The following TNRC18 variants were observed in gnomAD, a reference collection of about 807,000 sequenced individuals.
TNRC18 encodes the protein trinucleotide repeat containing 18, also known as trinucleotide repeat-containing gene 18 protein.
In TNRC18, 69 loss-of-function variants were observed where a neutral mutation model predicts 226.7. The observed-to-expected ratio is 0.30, with a 90% CI of 0.25 to 0.37. The LOEUF (loss-of-function observed/expected upper bound fraction) is 0.37. Among genes scored for constraint, TNRC18 ranks in the 10% least tolerant of loss-of-function variants. TNRC18 has a pLI of 1.00. For synonymous variants in TNRC18, 2,449 were observed against 1,927.6 expected (o/e 1.27, Z -7.09); for missense variants, 4,754 against 4,256.6 (o/e 1.12, Z -3.25).
intron 17 of TNRC18, among the ~76,000 whole-genome samples, chr7:5,346,396 T>C (rs1791201069): frequency 6.6e-6 from 1 of 151,262 alleles, no homozygotes; most frequent in Non-Finnish European, 1.5e-5. Context: ...GAGTCTAGAG[T>C]CGACTCCTGG....
intron 5 of TNRC18, among the ~76,000 whole-genome samples, chr7:5,381,129 C>T (rs1369822239): frequency 6.6e-6 from 1 of 152,194 alleles, no homozygotes; most frequent in Non-Finnish European, 1.5e-5. Flanking sequence ...TATCAGAGCA[C>T]CTGCCACCCT....
intron 24 of TNRC18, 24 bp from the exon 25 acceptor site, chr7:5,316,096 G>C (rs1488690853): frequency 1.3e-6 from 2 of 1,594,702 alleles, no homozygotes; most frequent in Admixed American, 1.7e-5. Context: ...GGAGGCTCAG[G>C]GGAGGCCCTC....
At chr7:5,417,097 A>G (rs999278410) in intron 2 of TNRC18, among the ~76,000 whole-genome samples, 10 of 151,922 alleles carry the variant, frequency 6.6e-5, no homozygotes, top group Non-Finnish European at 1.2e-4. Context: ...TGAGGCTGCA[A>G]TGAGCTATAA....
rs142058329 is a variant in TNRC18, at chr7:5,333,975, G to A, written c.5720-926C>T. ...CAGCTCAAGCCCCAGGTCAGAGCTG[G>A]TGTCCAGGAAAAGAGTGTGAGTGAG... On this transcript the variant is annotated intron_variant, in intron 18 of 29. Transcript: ENST00000430969. Among the ~76,000 whole-genome samples, 737 of 152,332 alleles carry A rather than the reference G, an allele frequency of 4.8e-3. 5 individuals carry two copies. The highest frequency in any genetic ancestry group is 0.017 in the African/African-American group (704 of 41,582).
At chr7:5,332,387 C>G (rs1213570744) in intron 19 of TNRC18, among the ~76,000 whole-genome samples, 2 of 152,186 alleles carry the variant, frequency 1.3e-5, no homozygotes, top group South Asian at 2.1e-4. Context: ...GAGCCATGAT[C>G]AGGCCACTGC....
chr7:5,397,040 G>A (rs1304973090), intron 2 of TNRC18, among the ~76,000 whole-genome samples: 2 of 152,114 alleles, frequency 1.3e-5, no homozygotes, highest in Non-Finnish European at 2.9e-5. Flanking sequence ...AGCAGCAAGG[G>A]GTGCCCTCGG....
chr7:5,372,001 G>A (rs1380813433), intron 10 of TNRC18, among the ~76,000 whole-genome samples: 2 of 151,944 alleles, frequency 1.3e-5, no homozygotes, highest in Admixed American at 6.6e-5. Context: ...GGATTCCAAC[G>A]AATCTCCTGC....
At chr7:5,386,513 G>A (rs1007870610) in intron 5 of TNRC18, among the ~76,000 whole-genome samples, 3 of 151,466 alleles carry the variant, frequency 2.0e-5, no homozygotes, top group South Asian at 2.1e-4. Context: ...GGCAGAGGTC[G>A]CAGTGAGCCA....
rs755377842 is a variant in TNRC18, at chr7:5,362,689, G to A, written c.4356C>T (p.Pro1452=). ...KNLRLPRELK[P]NKKYSWMRKK... is the part of the protein sequence containing the mutation. ...TGCGCATCCAGCTGTACTTCTTGTT[G>A]GGCTTCAGCTCCCGCGGGAGCCGCA... is the stretch of plus-strand genomic sequence containing the variant. Residue 1452 remains proline (P), a synonymous_variant, in exon 12 of 30, where the codon CCC becomes CCT. Coordinates refer to ENST00000430969, the MANE Select transcript of TNRC18 (RefSeq NM_001080495.3). 4.3e-5 allele frequency: 69 copies of A among 1,587,760 alleles called. No individual in the cohort carries two copies. The highest frequency in any genetic ancestry group is 8.9e-5 in the Admixed American group (5 of 56,120).
intron 2 of TNRC18, among the ~76,000 whole-genome samples, chr7:5,419,500 G>T (rs1782404906): frequency 6.6e-6 from 1 of 152,210 alleles, no homozygotes. Context: ...CTTGTGGGGA[G>T]CGCAAAAGGG....
chr7:5,320,002 G>C (rs1270205277), intron 24 of TNRC18: 1 of 332,310 alleles, frequency 3.0e-6, no homozygotes, highest in East Asian at 6.7e-5. Context: ...GTTCACACTA[G>C]AACTTGTGTG....
In TNRC18 at chr7:5,388,235, T is replaced by C; in HGVS notation, c.1589A>G (p.His530Arg). ...ATQMAVLAAQ[H>R]HHSRAEEEAA... Reference sequence around the variant, plus strand: ...CTCCTCTTCGGCGCGGCTGTGGTGGTGCTGCGCGGCCAGCACGGCCATCTG... The same window carrying C: ...CTCCTCTTCGGCGCGGCTGTGGTGGCGCTGCGCGGCCAGCACGGCCATCTG... Residue 530 changes from histidine (H) to arginine (R), a missense_variant, in exon 5 of 30, where the codon CAC becomes CGC. His to Arg is a conservative substitution (Grantham distance 29). Coordinates refer to ENST00000430969, the MANE Select transcript of TNRC18 (RefSeq NM_001080495.3). 1 of 1,604,362 alleles carries C rather than the reference T, an allele frequency of 6.2e-7. No homozygotes were observed. The highest frequency in any genetic ancestry group is 8.5e-7 in the Non-Finnish European group (1 of 1,176,404).
rs541476133 is a variant in TNRC18 at position 5,382,550 on chromosome 7, CG to C, written c.2153-4527del. ...TCTCCAGGGGTCCGGGGAAGCGGAT[CG>C]GGGGGGAGTGACTGGATAGAGGCCC... On this transcript the variant is annotated intron_variant, in intron 5 of 29. Transcript: ENST00000430969. 2.8e-5 allele frequency among the ~76,000 whole-genome samples: 4 copies of C among 144,412 alleles called. No individual in the cohort carries two copies. In the South Asian group the frequency reaches 8.3e-4, roughly 30 times the overall value. The allele number at this position is 144,412 out of a possible 152,430, so 94.7% of individuals were successfully genotyped here.
intron 29 of TNRC18, among the ~76,000 whole-genome samples, 162 bp downstream of exon 29, chr7:5,308,713 G>C (rs1365183675): frequency 6.6e-6 from 1 of 152,188 alleles, no homozygotes; most frequent in Non-Finnish European, 1.5e-5. Flanking sequence ...CAGAGAGACA[G>C]AGAACAGGAG....
chr7:5,398,641 G>T (rs1394736761), intron 2 of TNRC18, among the ~76,000 whole-genome samples: 1 of 144,330 alleles, frequency 6.9e-6, no homozygotes, highest in Non-Finnish European at 1.5e-5. Context: ...TTTAAAGACA[G>T]GGTCTCTCTC....
At chr7:5,353,692 C>T (rs1237727342) in intron 16 of TNRC18, among the ~76,000 whole-genome samples, 1 of 152,150 alleles carries the variant, frequency 6.6e-6, no homozygotes, top group African/African-American at 2.4e-5. Flanking sequence ...CACACCCCTA[C>T]CTCCTTGTGA....
At chr7:5,336,420 C>A (rs1282024803) in intron 18 of TNRC18, among the ~76,000 whole-genome samples, 1 of 151,890 alleles carries the variant, frequency 6.6e-6, no homozygotes, top group Non-Finnish European at 1.5e-5. Flanking sequence ...CAAAAAGAAA[C>A]AACAGAAAAG....
At chr7:5,367,839 G>GCC (rs1205897348) in intron 11 of TNRC18, among the ~76,000 whole-genome samples, 1 of 152,132 alleles carries the variant, frequency 6.6e-6, no homozygotes, top group African/African-American at 2.4e-5. Flanking sequence ...CTCCCAGTGG[G>GCC]GAGGGGGGCG....
chr7:5,371,410 T>C (rs1261595815), intron 10 of TNRC18, 46 bp from the exon 11 acceptor site: 7 of 1,469,502 alleles, frequency 4.8e-6, no homozygotes, highest in Admixed American at 2.5e-5. Flanking sequence ...GGATCTGATA[T>C]CCCATGTCCC....
Sources: allele counts gnomAD v4.1 joint callset (sites outside exome capture counted in the v4.1 genomes callset), GRCh38; gene constraint gnomAD v4.1.1; transcripts MANE v1.5; gene names NCBI Gene and HGNC (gene_info 2026-07-23, HGNC 2026-07-21).